Variants in MACROD2 observed in about 807,000 individuals in gnomAD.
MACROD2 encodes the protein mono-ADP ribosylhydrolase 2.
Under a neutral mutation model 70.4 loss-of-function variants are expected in MACROD2, and 36 were observed. That is an observed-to-expected ratio of 0.51 (90% CI 0.39 to 0.68). The LOEUF (loss-of-function observed/expected upper bound fraction) is 0.68, where lower values mean the gene tolerates loss of function less well. Ranked by LOEUF, MACROD2 falls within the 30% of genes least tolerant of loss-of-function variation. The pLI, the probability that MACROD2 is intolerant of heterozygous loss-of-function variation, is 0.00. For synonymous variants in MACROD2, 172 were observed against 178.8 expected (o/e 0.96, Z 0.30); for missense variants, 496 against 538.4 (o/e 0.92, Z 0.78).
chr20:14,431,577 A>G (rs1226334247), intron 3 of MACROD2, among the ~76,000 whole-genome samples: 1 of 152,214 alleles, frequency 6.6e-6, no homozygotes, highest in Non-Finnish European at 1.5e-5. Flanking sequence ...GTCAATCTGA[A>G]TTATAGTAAT....
At chr20:15,337,944 G>A (rs1315991520) in intron 6 of MACROD2, among the ~76,000 whole-genome samples, 2 of 151,742 alleles carry the variant, frequency 1.3e-5, no homozygotes, top group Non-Finnish European at 2.9e-5. Context: ...GCTTACGTTT[G>A]TGTTTTGTTT....
chr20:15,052,487 T>C (rs377009534), intron 5 of MACROD2, among the ~76,000 whole-genome samples: 6 of 152,258 alleles, frequency 3.9e-5, no homozygotes, highest in Non-Finnish European at 8.8e-5. Flanking sequence ...GTTATTCTTA[T>C]CTATTTTATA....
intron 4 of MACROD2, among the ~76,000 whole-genome samples, chr20:14,664,734 C>A (rs1055334504): frequency 1.1e-4 from 16 of 152,202 alleles, no homozygotes; most frequent in African/African-American, 3.6e-4. Context: ...GCATCTACCA[C>A]GTTCTAAGTG....
rs541956729 is a variant in MACROD2, at chr20:14,054,094, T to C, written c.164-31527T>C. On this transcript the variant is annotated intron_variant, in intron 2 of 17. Transcript: ENST00000684519. Reference sequence around the variant, plus strand: ...AGTATGTAATCGTACTCTTTCAGGATTATCTAAAGCACTTATTGTAATTGG... The same window carrying C: ...AGTATGTAATCGTACTCTTTCAGGACTATCTAAAGCACTTATTGTAATTGG... 5.7e-4 allele frequency among the ~76,000 whole-genome samples: 86 copies of C among 152,002 alleles called. 1 individual carries two copies. Among genetic ancestry groups the C allele is most frequent in the African/African-American group, 2.0e-3 (81 of 41,444 alleles).
chr20:14,787,386 A>G (rs539249817), intron 5 of MACROD2, among the ~76,000 whole-genome samples: 1 of 152,246 alleles, frequency 6.6e-6, no homozygotes, highest in Non-Finnish European at 1.5e-5. Flanking sequence ...AAGATCATGC[A>G]GCCTTTTTCC....
intron 4 of MACROD2, among the ~76,000 whole-genome samples, chr20:14,626,210 G>T (rs1331606039): frequency 6.6e-6 from 1 of 152,032 alleles, no homozygotes; most frequent in Admixed American, 6.6e-5. Flanking sequence ...TGTGGGGGTG[G>T]GCACATTACA....
At chr20:15,416,324 G>A (rs2046148083) in intron 6 of MACROD2, among the ~76,000 whole-genome samples, 1 of 152,118 alleles carries the variant, frequency 6.6e-6, no homozygotes, top group Non-Finnish European at 1.5e-5. Context: ...TACAGGGTGT[G>A]TCCTTTAGAC....
At chr20:14,749,331 G>A (rs6042901) in intron 5 of MACROD2, among the ~76,000 whole-genome samples, 62,383 of 151,592 alleles carry the variant, frequency 0.41, 13,203 homozygotes, top group South Asian at 0.59. Flanking sequence ...TTAGTGCCAG[G>A]GAGATGATTG....
At chr20:15,017,353 G>C (rs1000434370) in intron 5 of MACROD2, among the ~76,000 whole-genome samples, 15 of 152,350 alleles carry the variant, frequency 9.8e-5, no homozygotes, top group South Asian at 2.1e-4. Context: ...TAATGCTGAT[G>C]CAAGAGGTGG....
chr20:15,990,850 G>A (rs1229905949), intron 15 of MACROD2, among the ~76,000 whole-genome samples: 1 of 152,076 alleles, frequency 6.6e-6, no homozygotes, highest in Non-Finnish European at 1.5e-5. Flanking sequence ...ATAATGAGGG[G>A]CATGAACTCA....
intron 15 of MACROD2, among the ~76,000 whole-genome samples, chr20:15,989,171 A>G (rs1341261410): frequency 6.6e-6 from 1 of 152,204 alleles, no homozygotes; most frequent in South Asian, 2.1e-4. Context: ...TCATAATTTG[A>G]TACATTGATG....
intron 5 of MACROD2, among the ~76,000 whole-genome samples, chr20:15,213,303 T>A (rs2076779990): frequency 1.3e-5 from 2 of 152,162 alleles, no homozygotes; most frequent in Admixed American, 1.3e-4. Flanking sequence ...ATCCCTAGTG[T>A]ATCAGGCATT....
At chr20:15,076,031 A>T (rs1202680244) in intron 5 of MACROD2, among the ~76,000 whole-genome samples, 1 of 152,204 alleles carries the variant, frequency 6.6e-6, no homozygotes, top group African/African-American at 2.4e-5. Context: ...ATAAAAGGCG[A>T]TCAGTTATAA....
chr20:15,008,852 G>T (rs747068974), intron 5 of MACROD2, among the ~76,000 whole-genome samples: 22 of 152,060 alleles, frequency 1.4e-4, no homozygotes, highest in Non-Finnish European at 2.6e-4. Context: ...TTTAAAAGAC[G>T]TACCTATTAC....
chr20:15,361,532 T>C (rs1263110646), intron 6 of MACROD2, among the ~76,000 whole-genome samples: 1 of 152,228 alleles, frequency 6.6e-6, no homozygotes, highest in East Asian at 1.9e-4. Context: ...TCTTTCATCA[T>C]TGTCTATTCT....
At chr20:15,067,104 A>G (rs1241442918) in intron 5 of MACROD2, among the ~76,000 whole-genome samples, 1 of 152,162 alleles carries the variant, frequency 6.6e-6, no homozygotes, top group Non-Finnish European at 1.5e-5. Flanking sequence ...TCAGAAACAA[A>G]TTCCGATAAT....
chr20:15,340,295 G>A (rs1375449331), intron 6 of MACROD2, among the ~76,000 whole-genome samples: 10 of 151,420 alleles, frequency 6.6e-5, no homozygotes, highest in Admixed American at 1.3e-4. Context: ...CCACCACCAC[G>A]CCTGGCTAAT....
intron 8 of MACROD2, among the ~76,000 whole-genome samples, chr20:15,744,684 A>C (rs1473012033): frequency 7.3e-6 from 1 of 137,338 alleles, no homozygotes; most frequent in East Asian, 2.1e-4. Flanking sequence ...AAGAGACAGA[A>C]ACCAAGTATA....
At chr20:14,503,750 C>T (rs2084940423) in intron 4 of MACROD2, among the ~76,000 whole-genome samples, 1 of 152,222 alleles carries the variant, frequency 6.6e-6, no homozygotes, top group South Asian at 2.1e-4. Flanking sequence ...TTCCTAGATG[C>T]TGAACACACC....
Sources: allele counts gnomAD v4.1 joint callset (sites outside exome capture counted in the v4.1 genomes callset), GRCh38; gene constraint gnomAD v4.1.1; transcripts MANE v1.5; gene names NCBI Gene and HGNC (gene_info 2026-07-23, HGNC 2026-07-21).